The following RP1 variants were observed in gnomAD, a reference collection of about 807,000 sequenced individuals.
RP1 encodes RP1 axonemal microtubule associated, also known as oxygen-regulated protein 1.
A neutral mutation model predicts 14.8 loss-of-function variants in RP1; 16 were observed. The observed-to-expected ratio is 1.08, with a 90% CI of 0.73 to 1.65. RP1 has a LOEUF of 1.65. Among genes scored for constraint, RP1 ranks in the 40% most tolerant of loss-of-function variants. The pLI, the probability that RP1 is intolerant of heterozygous loss-of-function variation, is 0.00. For synonymous variants in RP1, 876 were observed against 883.6 expected (o/e 0.99, Z 0.15); for missense variants, 2,631 against 2,535.0 (o/e 1.04, Z -0.81).
chr8:54,812,265 C>T (rs1474864802), intron 24 of RP1, among the ~76,000 whole-genome samples: 4 of 152,160 alleles, frequency 2.6e-5, no homozygotes, highest in South Asian at 4.2e-4. Flanking sequence ...CTCAGCCTTC[C>T]GAGTAGCTGG....
chr8:54,736,695 ACATGGAAG>A (rs773319465), intron 18 of RP1, among the ~76,000 whole-genome samples: 34 of 152,194 alleles, frequency 2.2e-4, no homozygotes, highest in Non-Finnish European at 4.0e-4. Context: ...TTGGGTCTAC[ACATGGAAG>A]CCCCCAGGAG....
chr8:54,840,623 G>GTT (rs35305035), intron 25 of RP1, among the ~76,000 whole-genome samples: 201 of 141,768 alleles, frequency 1.4e-3, no homozygotes, highest in African/African-American at 3.4e-3. Flanking sequence ...AGGCAGTTGT[G>GTT]TTTTTTTTTT....
At position 54,627,638 on chromosome 8, in the gene RP1, G is replaced by A. The variant is rs763850510; in HGVS notation, c.3756G>A (p.Leu1252=). 9 of 1,614,060 alleles carry A rather than the reference G, an allele frequency of 5.6e-6. No individual in the cohort carries two copies. The highest frequency in any genetic ancestry group is 1.3e-5 in the African/African-American group (1 of 74,938). The change falls in exon 4 of 4, where the codon TTG becomes TTA. Residue 1252 remains leucine, a synonymous_variant. Coordinates refer to ENST00000220676, the MANE Select transcript of RP1 (RefSeq NM_006269.2). ...SEACAPEVCV[L]EVTCSPCEMC... is the part of the protein sequence containing the mutation. ...CATGTGCCCCTGAAGTCTGTGTTTTGGAAGTGACTTGCTCTCCATGTGAGA... is the reference window on the plus strand; with the variant it reads ...CATGTGCCCCTGAAGTCTGTGTTTTAGAAGTGACTTGCTCTCCATGTGAGA...
intron 25 of RP1, among the ~76,000 whole-genome samples, chr8:54,849,669 AG>A (rs781606563): frequency 3.3e-5 from 5 of 152,202 alleles, no homozygotes; most frequent in Non-Finnish European, 7.4e-5. Context: ...ATAAACCTGC[AG>A]GTGAAGATTT....
At chr8:54,870,548 G>A (rs1812565756) in exon 29 of RP1, 1 of 152,184 alleles carries the variant, frequency 6.6e-6, no homozygotes, top group Admixed American at 6.5e-5. Flanking sequence ...TGAGCTTCGA[G>A]CTGGTGACAG....
chr8:54,644,391 A>G (rs949874037), intron 3 of RP1, among the ~76,000 whole-genome samples: 1 of 152,040 alleles, frequency 6.6e-6, no homozygotes, highest in East Asian at 1.9e-4. Context: ...CATTTGTCCC[A>G]TCTCTGTTTC....
chr8:54,691,147 A>C (rs1807700771), intron 12 of RP1, among the ~76,000 whole-genome samples: 1 of 152,048 alleles, frequency 6.6e-6, no homozygotes, highest in Admixed American at 6.6e-5. Context: ...AGGCATATGG[A>C]GGAAGATTAG....
At position 54,627,472 on chromosome 8, in the gene RP1, G is replaced by A. The variant is rs773841782; in HGVS notation, c.3590G>A (p.Ser1197Asn). 1.9e-6 allele frequency: 3 copies of A among 1,614,172 alleles called. No homozygotes were observed. The Admixed American group carries it at 5.0e-5, about 27-fold the overall frequency. ...VESTTSHFGL[S>N]EKEQDMVPID... The stretch of plus-strand genomic sequence containing the variant: ...TCAACTACAAGCCACTTTGGACTCA[G>A]TGAGAAAGAACAAGACATGGTTCCA... The change falls in exon 4 of 4, where the codon AGT becomes AAT. Residue 1197 changes from serine to asparagine, a missense_variant. Ser to Asn is a conservative substitution (Grantham distance 46). Transcript: ENST00000220676.
chr8:54,771,802 G>A (rs184917463), downstream of RP1, among the ~76,000 whole-genome samples: 62 of 152,192 alleles, frequency 4.1e-4, 2 homozygotes, highest in Admixed American at 4.1e-3. Flanking sequence ...AATTTATGGT[G>A]TGGAAAGAAC....
intron 6 of RP1, among the ~76,000 whole-genome samples, chr8:54,661,307 A>T (rs1437998898): frequency 1.4e-5 from 1 of 69,682 alleles, no homozygotes; most frequent in East Asian, 2.2e-4. Flanking sequence ...TATATATGAG[A>T]TATATATATA....
chr8:54,747,444 C>A (rs1014281761), intron 19 of RP1, among the ~76,000 whole-genome samples: 1 of 152,222 alleles, frequency 6.6e-6, no homozygotes, highest in Middle Eastern at 3.4e-3. Flanking sequence ...GTTCATAGTC[C>A]GACTTCCACT....
At chr8:54,836,729 T>A (rs1811666013) in intron 24 of RP1, among the ~76,000 whole-genome samples, 1 of 152,196 alleles carries the variant, frequency 6.6e-6, no homozygotes, top group African/African-American at 2.4e-5. Context: ...GAGGCTCAGC[T>A]GAGCCACATG....
intron 19 of RP1, among the ~76,000 whole-genome samples, chr8:54,741,750 T>TATA (rs1809104096): frequency 7.3e-6 from 1 of 137,646 alleles, no homozygotes; most frequent in Non-Finnish European, 1.6e-5. Flanking sequence ...TATATATATA[T>TATA]GTTTATATGT....
chr8:54,627,951 G>T lies in RP1; in HGVS notation c.4069G>T (p.Asp1357Tyr), dbSNP rs1486661462. The change falls in exon 4 of 4, where the codon GAT becomes TAT. Residue 1357 changes from aspartate to tyrosine, a missense_variant. By Grantham distance (160) the Asp-to-Tyr change is radical (BLOSUM62 -3). Transcript: ENST00000220676. ...AGAAAACACATATACTGATAACTTG[G>T]ATTCAACTGAAGAGTTAGAAAGAGG... Reference protein sequence around the residue: ...SKENTYTDNLDSTEELERGDD... With the variant: ...SKENTYTDNLYSTEELERGDD... The T allele has an allele frequency of 6.2e-7, 1 of 1,614,022 alleles. No individual in the cohort carries two copies. The highest frequency in any genetic ancestry group is 8.5e-7 in the Non-Finnish European group (1 of 1,179,962).
chr8:54,796,904 T>C (rs1264842470), intron 24 of RP1, among the ~76,000 whole-genome samples: 1 of 152,168 alleles, frequency 6.6e-6, no homozygotes, highest in Non-Finnish European at 1.5e-5. Context: ...ACAAAGAGGA[T>C]GTTAGTGCCT....
chr8:54,862,659 TA>T, intron 27 of RP1, among the ~76,000 whole-genome samples: 1 of 152,136 alleles, frequency 6.6e-6, no homozygotes, highest in South Asian at 2.1e-4. Context: ...TTCCATCACC[TA>T]AATCTCCTCT....
intron 24 of RP1, among the ~76,000 whole-genome samples, chr8:54,823,391 C>T (rs541885769): frequency 7.9e-5 from 12 of 152,074 alleles, no homozygotes; most frequent in Non-Finnish European, 1.2e-4. Context: ...AGTGCAGTGG[C>T]GCCACCTTGG....
chr8:54,652,906 C>A, intron 5 of RP1: 1 of 1,375,192 alleles, frequency 7.3e-7, no homozygotes, highest in Non-Finnish European at 1.0e-6. Flanking sequence ...TTGCAAAATC[C>A]TCTGCATATT....
At chr8:54,824,196 A>C (rs1007417122) in intron 24 of RP1, among the ~76,000 whole-genome samples, 1 of 152,172 alleles carries the variant, frequency 6.6e-6, no homozygotes, top group Admixed American at 6.5e-5. Context: ...AAGAGAAGAT[A>C]AATTACTAAT....
Sources: gnomAD v4.1 joint callset for allele counts (sites outside exome capture counted in the v4.1 genomes callset) on GRCh38, gnomAD v4.1.1 for gene constraint, MANE v1.5 for transcripts, NCBI Gene and HGNC (gene_info 2026-07-23, HGNC 2026-07-21) for gene names.